Variants in IL1RAPL2 observed in about 807,000 individuals in gnomAD.
IL1RAPL2 encodes X-linked interleukin-1 receptor accessory protein-like 2.
IL1RAPL2 carries 3 observed loss-of-function variants against 44.1 expected under a neutral mutation model. The observed-to-expected ratio is 0.07, with a 90% CI of 0.03 to 0.18. IL1RAPL2 has a LOEUF of 0.18. Ranked by LOEUF, IL1RAPL2 falls within the 10% of genes least tolerant of loss-of-function variation. IL1RAPL2 has a pLI of 1.00. For missense variants in IL1RAPL2, 391 were observed against 496.4 expected (o/e 0.79, Z 2.02); for synonymous variants, 181 against 178.8 (o/e 1.01, Z -0.10).
chrX:105,601,800 G>C (rs144225763), intron 6 of IL1RAPL2, among the ~76,000 whole-genome samples: 3,434 of 110,498 alleles, frequency 0.031, 154 homozygotes, highest in African/African-American at 0.11. Flanking sequence ...CACATCCTGT[G>C]ACCCCTCAAT....
At chrX:104,802,703 A>T (rs1014660760) in intron 2 of IL1RAPL2, among the ~76,000 whole-genome samples, 7 of 112,109 alleles carry the variant, frequency 6.2e-5, no homozygotes, top group African/African-American at 2.3e-4. Context: ...AGCATAAGTT[A>T]CTTAGCCATT....
At chrX:104,893,689 A>G (rs1569336081) in intron 2 of IL1RAPL2, among the ~76,000 whole-genome samples, 1 of 111,601 alleles carries the variant, frequency 9.0e-6, no homozygotes, top group African/African-American at 3.3e-5. Flanking sequence ...GTTTCTGCAC[A>G]TGAGATGGGT....
chrX:105,406,224 T>A, intron 5 of IL1RAPL2: 3 of 1,132,684 alleles, frequency 2.6e-6, no homozygotes, highest in Non-Finnish European at 3.6e-6. Context: ...GACAGTATGC[T>A]GGCCCACATG....
At chrX:105,036,962 C>G (rs1032774875) in intron 2 of IL1RAPL2, among the ~76,000 whole-genome samples, 1 of 111,849 alleles carries the variant, frequency 8.9e-6, no homozygotes, top group South Asian at 3.7e-4. Context: ...TGGAGAAACT[C>G]TATCTTAGCT....
At chrX:105,482,389 A>G (rs2147775047) in intron 5 of IL1RAPL2, among the ~76,000 whole-genome samples, 1 of 112,075 alleles carries the variant, frequency 8.9e-6, no homozygotes, top group South Asian at 3.7e-4. Context: ...AAGACTAGAC[A>G]TTATATTAGT....
intron 2 of IL1RAPL2, among the ~76,000 whole-genome samples, chrX:104,853,211 T>G (rs1922272404): frequency 2.7e-5 from 3 of 111,761 alleles, no homozygotes; most frequent in Admixed American, 1.9e-4. Context: ...TAACGTTTGG[T>G]TGGTGTGAAG....
intron 5 of IL1RAPL2, among the ~76,000 whole-genome samples, chrX:105,373,469 T>G (rs192486368): frequency 1.8e-5 from 2 of 111,954 alleles, no homozygotes; most frequent in Admixed American, 1.9e-4. Flanking sequence ...CCTTAGGTTG[T>G]CTGTTTACTC....
At chrX:105,186,736 CA>C (rs2033591469) in intron 2 of IL1RAPL2, among the ~76,000 whole-genome samples, 1 of 111,672 alleles carries the variant, frequency 9.0e-6, no homozygotes, top group Non-Finnish European at 1.9e-5. Flanking sequence ...AATAACTGAA[CA>C]AACATTTCTG....
At chrX:104,573,480 C>T (rs1314730788) in intron 1 of IL1RAPL2, among the ~76,000 whole-genome samples, 1 of 111,832 alleles carries the variant, frequency 8.9e-6, no homozygotes, top group Non-Finnish European at 1.9e-5. Flanking sequence ...TTGTTTCCAC[C>T]AAAAACACGT....
At chrX:105,503,188 T>A (rs1331850847) in intron 6 of IL1RAPL2, among the ~76,000 whole-genome samples, 1 of 111,491 alleles carries the variant, frequency 9.0e-6, no homozygotes, top group Non-Finnish European at 1.9e-5. Flanking sequence ...TCCATCATAT[T>A]ATTCTCCCTC....
At chrX:105,347,026 A>G (rs911525014) in intron 5 of IL1RAPL2, among the ~76,000 whole-genome samples, 1 of 111,986 alleles carries the variant, frequency 8.9e-6, no homozygotes, top group Admixed American at 9.5e-5. Context: ...ACTGATTCCC[A>G]ATGCTCCCAT....
chrX:105,166,465 G>C (rs1447717495), intron 2 of IL1RAPL2, among the ~76,000 whole-genome samples: 1 of 112,092 alleles, frequency 8.9e-6, no homozygotes, highest in Non-Finnish European at 1.9e-5. Context: ...GACTTTAGCT[G>C]GTCCTTATTT....
At position 104,783,530 on chromosome X, in the gene IL1RAPL2, T is replaced by C. The variant is rs753533454; in HGVS notation, c.82+124535T>C. 1.4e-3 allele frequency among the ~76,000 whole-genome samples: 158 copies of C among 111,227 alleles called. 1 individual carries two copies. Among genetic ancestry groups the C allele is most frequent in the African/African-American group, 4.8e-3 (147 of 30,650 alleles). ...TTATTTATCTCAATACAGCTGCCTT[T>C]TTAATTGGCAATGATCTCTATTGAA... On this transcript the variant is annotated intron_variant, in intron 2 of 10. Transcript: ENST00000372582.
In IL1RAPL2 at chrX:104,791,178, G is replaced by T. The variant is rs866880992; in HGVS notation, c.82+132183G>T. On this transcript the variant is annotated intron_variant, in intron 2 of 10. Coordinates refer to ENST00000372582, the MANE Select transcript of IL1RAPL2 (RefSeq NM_017416.2). ...CCCTCTGCCTTGCCTGCCCTGCCTT[G>T]CCCTGCCCTTCCCTTCCCTGCCCTT... Among the ~76,000 whole-genome samples the T allele has an allele frequency of 2.8e-5, 3 of 107,626 alleles. No homozygotes were observed. In the Admixed American group the frequency reaches 3.0e-4, roughly 11 times the overall value. 93.5% of individuals were successfully genotyped at this position (107,626 alleles called of 115,157 possible). A position where few individuals can be genotyped will look rare whatever the true frequency, so the allele number is the denominator to read the frequency against.
chrX:104,635,493 A>T (rs965907196), intron 1 of IL1RAPL2, among the ~76,000 whole-genome samples: 41 of 111,772 alleles, frequency 3.7e-4, no homozygotes, highest in Middle Eastern at 4.6e-3. Context: ...TCAGACGTAG[A>T]TTTAATCTTT....
At chrX:105,579,353 T>TTATATGCAACATTTTTCTTTA (rs1556358125) in intron 6 of IL1RAPL2, among the ~76,000 whole-genome samples, 47 of 111,872 alleles carry the variant, frequency 4.2e-4, no homozygotes, top group Non-Finnish European at 1.9e-4. Context: ...ATATTTTCTT[T>TTATATGCAACATTTTTCTTTA]TATATGCAAC....
chrX:105,087,534 G>A (rs2032493533), intron 2 of IL1RAPL2, among the ~76,000 whole-genome samples: 1 of 112,012 alleles, frequency 8.9e-6, no homozygotes, highest in Non-Finnish European at 1.9e-5. Flanking sequence ...GGGCAAAGAA[G>A]TCTCTGGAAC....
rs767204703 is a variant in IL1RAPL2 at position 105,673,085 on chromosome X, A to G, written c.773-44282A>G. On this transcript the variant is annotated intron_variant, in intron 6 of 10. Transcript: ENST00000372582. The stretch of plus-strand genomic sequence containing the variant: ...TATGTTTGCTTTACACATAATATCC[A>G]GACAGCTTAGTTGTACCTCGTGGGA... 1.3e-3 allele frequency among the ~76,000 whole-genome samples: 143 copies of G among 111,381 alleles called. 1 individual carries two copies. Among genetic ancestry groups the G allele is most frequent in the African/African-American group, 4.5e-3 (137 of 30,665 alleles).
At chrX:105,676,396 G>A (rs1382926339) in intron 6 of IL1RAPL2, among the ~76,000 whole-genome samples, 2 of 111,307 alleles carry the variant, frequency 1.8e-5, no homozygotes, top group Non-Finnish European at 3.8e-5. Flanking sequence ...TTGGTTAGCT[G>A]GAAGGCAGGA....
Sources: gnomAD v4.1 joint callset for allele counts (sites outside exome capture counted in the v4.1 genomes callset) on GRCh38, gnomAD v4.1.1 for gene constraint, MANE v1.5 for transcripts, NCBI Gene and HGNC (gene_info 2026-07-23, HGNC 2026-07-21) for gene names.